The following PHKG2 variants were observed in gnomAD, a reference collection of about 807,000 sequenced individuals.
The protein encoded by PHKG2 is phosphorylase kinase catalytic subunit gamma 2.
A neutral mutation model predicts 44.5 loss-of-function variants in PHKG2; 28 were observed. The ratio of observed to expected loss-of-function variants is 0.63; its 90% CI spans 0.47 to 0.86. The LOEUF is 0.86. PHKG2 is among the 40% of genes least tolerant of loss of function. The probability of loss-of-function intolerance (pLI) is 0.00; values close to 1 mark genes in which losing one functional copy is unlikely to be tolerated. For synonymous variants in PHKG2, 220 were observed against 211.2 expected (o/e 1.04, Z -0.36); for missense variants, 498 against 547.5 (o/e 0.91, Z 0.90).
rs1419486545 is a variant in PHKG2, at chr16:30,757,018, CT to C, written c.1146del (p.Ile384SerfsTer13). The C allele has an allele frequency of 6.2e-7, 1 of 1,612,364 alleles. No individual in the cohort carries two copies. On this transcript the variant is annotated frameshift_variant, in exon 10 of 10. Transcript: ENST00000563588. LOFTEE classifies it low-confidence loss of function (END_TRUNC). ...CTCTTTCAGCACCGGCCCCCTGGGCCTTTTCCCATCATGGGCCCTGAAGAGG... is the reference window on the plus strand; with the variant it reads ...CTCTTTCAGCACCGGCCCCCTGGGCCTTTCCCATCATGGGCCCTGAAGAGG... The part of the protein sequence containing the change: ...AALFQHRPPG[P>X]FPIMGPEEEG...
chr16:30,760,203 C>CT lies in PHKG2; in HGVS notation c.*3108dup, dbSNP rs1235431636. On this transcript the variant is annotated 3_prime_UTR_variant, in exon 10 of 10. Coordinates refer to ENST00000563588, the MANE Select transcript of PHKG2 (RefSeq NM_000294.3). ...ACATATTCCAGGCAGAAATCCCCTG[C>CT]TTCTGCTTCCCATGGTCACTTGTGC... 6.2e-7 allele frequency: 1 copy of CT among 1,610,048 alleles called. No homozygotes were observed. Among genetic ancestry groups the CT allele is most frequent in the Non-Finnish European group, 8.5e-7 (1 of 1,179,832 alleles).
Position 30,756,942 on chromosome 16 carries a change from C to A in PHKG2, c.1066C>A (p.Arg356=), listed in dbSNP as rs140913831. The A allele has an allele frequency of 6.2e-7, 1 of 1,613,710 alleles. No homozygotes were observed. Among genetic ancestry groups the A allele is most frequent in the Non-Finnish European group, 8.5e-7 (1 of 1,180,016 alleles). The change falls in exon 10 of 10, where the codon CGG becomes AGG. Residue 356 remains arginine (R), a synonymous_variant. Transcript: ENST00000563588. ...VRHLIDNCAF[R]LYGHWVKKGE... is the part of the protein sequence containing the mutation. ...GCACCTCATCGACAACTGTGCCTTCCGGCTCTACGGGCACTGGGTAAAGAA... is the reference window on the plus strand; with the variant it reads ...GCACCTCATCGACAACTGTGCCTTCAGGCTCTACGGGCACTGGGTAAAGAA...
In PHKG2 at chr16:30,758,918, AAAAAC is replaced by A. The variant is rs1247664660; in HGVS notation, c.*1826_*1830del. ...ATCATTTAGAGAAAGGACTCTGACTAAAAACAAAAAGTCTGAAGTCCTGATGTCAT... is the reference window on the plus strand; with the variant it reads ...ATCATTTAGAGAAAGGACTCTGACTAAAAAAGTCTGAAGTCCTGATGTCAT... On this transcript the variant is annotated 3_prime_UTR_variant, in exon 10 of 10. Coordinates refer to ENST00000563588, the MANE Select transcript of PHKG2 (RefSeq NM_000294.3). The A allele has an allele frequency of 1.6e-5, 25 of 1,539,436 alleles. 1 individual carries two copies. In the South Asian group the frequency reaches 2.6e-4, roughly 16 times the overall value.
At position 30,759,329 on chromosome 16, in the gene PHKG2, C is replaced by T. The variant is rs2053578192; in HGVS notation, c.*2232C>T. The T allele has an allele frequency of 1.2e-6, 2 of 1,612,922 alleles. No individual in the cohort carries two copies. Among genetic ancestry groups the T allele is most frequent in the Non-Finnish European group, 1.7e-6 (2 of 1,179,086 alleles). ...CGGTTGAGGGTGGCTCCTCATGGTCCACCACCCCCTACCTGGGGTGTGAAG... is the reference window on the plus strand; with the variant it reads ...CGGTTGAGGGTGGCTCCTCATGGTCTACCACCCCCTACCTGGGGTGTGAAG... On this transcript the variant is annotated 3_prime_UTR_variant, in exon 10 of 10. Transcript: ENST00000563588.
chr16:30,748,930 A>C lies in PHKG2; in HGVS notation c.95+15A>C. 1 of 1,536,772 alleles carries C rather than the reference A, an allele frequency of 6.5e-7. No homozygotes were observed. On this transcript the variant is annotated intron_variant, in intron 2 of 9. Transcript: ENST00000563588. The stretch of plus-strand genomic sequence containing the variant: ...GTCATCGGCAGGTAAGGCCGCGGCC[A>C]GGGAAACGGAGGTCCAAAGAGGTCG...
At position 30,756,667 on chromosome 16, in the gene PHKG2, T is replaced by C. The variant is rs757678936; in HGVS notation, c.879T>C (p.Arg293=). The change falls in exon 9 of 10, where the codon CGT becomes CGC. Residue 293 remains arginine, a synonymous_variant. Transcript: ENST00000563588. ...CCCTACAGCACCCCTTCTTTGAGCG[T>C]TGTGAAGGCAGCCAACCCTGGAACC... The part of the protein sequence containing the change: ...EQALQHPFFE[R]CEGSQPWNLT... 1.2e-6 allele frequency: 2 copies of C among 1,613,982 alleles called. No homozygotes were observed. Among genetic ancestry groups the C allele is most frequent in the Admixed American group, 1.7e-5 (1 of 60,000 alleles).
At chr16:30,749,055 G>GCTGC (rs2053297246) in intron 2 of PHKG2, 140 bp downstream of exon 2, 1 of 249,316 alleles carries the variant, frequency 4.0e-6, no homozygotes, top group Non-Finnish European at 7.5e-6. Context: ...GGTGGTGGTG[G>GCTGC]TGGTGGTGGT....
At chr16:30,752,503 C>A in intron 4 of PHKG2, 1 of 152,936 alleles carries the variant, frequency 6.5e-6, no homozygotes. Flanking sequence ...TGTCTCTGCC[C>A]ATCAGTTCTT....
chr16:30,752,857 A>G (rs1162803173), intron 4 of PHKG2: 3 of 333,162 alleles, frequency 9.0e-6, no homozygotes, highest in Non-Finnish European at 1.7e-5. Flanking sequence ...TAAAGACGAA[A>G]CTTCAAAATA....
rs747397298 is a variant in PHKG2 at position 30,759,551 on chromosome 16, C to A, written c.*2454C>A. 1.9e-6 allele frequency: 3 copies of A among 1,614,100 alleles called. 1 individual carries two copies. The Admixed American group carries it at 5.0e-5, about 27-fold the overall frequency. On this transcript the variant is annotated 3_prime_UTR_variant, in exon 10 of 10. Coordinates refer to ENST00000563588, the MANE Select transcript of PHKG2 (RefSeq NM_000294.3). ...CAGCAACAGGAGCAAGGAGAGCCCA[C>A]TGGGGTCTTCACAAGAAGATAAGGG...
rs912358130 is a variant in PHKG2 at position 30,756,112 on chromosome 16, G to A, written c.557-70G>A. The A allele has an allele frequency of 7.8e-6, 9 of 1,153,706 alleles. No individual in the cohort carries two copies. The African/African-American group carries it at 1.1e-4, about 14-fold the overall frequency. 71.5% of individuals were successfully genotyped at this position (1,153,706 alleles called of 1,614,324 possible). ...TCCTGGCAGCGTTGAGGAGGCTCCA[G>A]CAGAGATCCAGTGCTAAGGGCCCTA... On this transcript the variant is annotated intron_variant, in intron 6 of 9. Transcript: ENST00000563588.
chr16:30,751,663 C>A, intron 4 of PHKG2, 60 bp downstream of exon 4: 4 of 1,381,426 alleles, frequency 2.9e-6, no homozygotes, highest in Non-Finnish European at 4.1e-6. Flanking sequence ...TATGGCCCAG[C>A]ATTTGTGGTG....
At chr16:30,749,865 T>G (rs947708868) in intron 2 of PHKG2, among the ~76,000 whole-genome samples, 1 of 152,090 alleles carries the variant, frequency 6.6e-6, no homozygotes, top group Non-Finnish European at 1.5e-5. Context: ...TCAGGCTAGA[T>G]AGGTAGAGGT....
In PHKG2 at chr16:30,753,438, C is replaced by T. The variant is rs1567261900; in HGVS notation, c.437C>T (p.Ala146Val). ...SLLEAVSFLH[A>V]NNIVHRDLKP... ...CTGGAAGCAGTGAGCTTTCTCCATG[C>T]CAACAACATTGTGCATCGAGATCTG... Residue 146 changes from alanine to valine, a missense_variant, in exon 6 of 10, where the codon GCC becomes GTC. Transcript: ENST00000563588. 1.2e-6 allele frequency: 2 copies of T among 1,614,160 alleles called. No individual in the cohort carries two copies. The highest frequency in any genetic ancestry group is 1.3e-5 in the African/African-American group (1 of 75,032).
chr16:30,758,549 TTTTG>T lies in PHKG2; in HGVS notation c.*1472_*1475del, dbSNP rs537559274. ...TCTCTGGAGCCACTTCAGCTGTGCT[TTTTG>T]TTTGTTTGTTTGTTTGTTTTGAGAC... On this transcript the variant is annotated 3_prime_UTR_variant, in exon 10 of 10. Coordinates refer to ENST00000563588, the MANE Select transcript of PHKG2 (RefSeq NM_000294.3). The T allele has an allele frequency of 2.0e-3, 407 of 205,712 alleles. No individual in the cohort carries two copies. The highest frequency in any genetic ancestry group is 2.9e-3 in the South Asian group (39 of 13,524). 12.7% of individuals were successfully genotyped at this position (205,712 alleles called of 1,614,324 possible).
In PHKG2 at chr16:30,757,035, C is replaced by G; in HGVS notation, c.1159C>G (p.Pro387Ala). ...RPPGPFPIMG[P>A]EEEGDSAAIT... Reference sequence around the variant, plus strand: ...CCCTGGGCCTTTTCCCATCATGGGCCCTGAAGAGGAGGGAGACTCTGCTGC... The same window carrying G: ...CCCTGGGCCTTTTCCCATCATGGGCGCTGAAGAGGAGGGAGACTCTGCTGC... The change falls in exon 10 of 10, where the codon CCT (proline) becomes GCT (alanine). Residue 387 changes from proline (P) to alanine (A), a missense_variant. Transcript: ENST00000563588. 1 of 1,612,764 alleles carries G rather than the reference C, an allele frequency of 6.2e-7. No individual in the cohort carries two copies. The highest frequency in any genetic ancestry group is 8.5e-7 in the Non-Finnish European group (1 of 1,180,012).
intron 2 of PHKG2, among the ~76,000 whole-genome samples, chr16:30,749,425 A>G (rs1290972747): frequency 2.0e-5 from 3 of 152,114 alleles, no homozygotes; most frequent in Admixed American, 1.3e-4. Context: ...TCGGCTCACT[A>G]CAACCTCTGC....
chr16:30,753,839 C>T (rs1208835622), intron 6 of PHKG2, among the ~76,000 whole-genome samples: 1 of 152,144 alleles, frequency 6.6e-6, no homozygotes, highest in African/African-American at 2.4e-5. Context: ...TCAGCCTGAG[C>T]CCCATAGAGG....
Position 30,759,751 on chromosome 16 carries a change from T to C in PHKG2, c.*2654T>C, listed in dbSNP as rs1683515357. On this transcript the variant is annotated 3_prime_UTR_variant, in exon 10 of 10. Transcript: ENST00000563588. Reference sequence around the variant, plus strand: ...TGGTAGGGAAAGCAAGATGCAGCAGTGAGGCCCTCTCTGGTATCCATTCAT... The same window carrying C: ...TGGTAGGGAAAGCAAGATGCAGCAGCGAGGCCCTCTCTGGTATCCATTCAT... The C allele has an allele frequency of 6.3e-7, 1 of 1,587,978 alleles. No homozygotes were observed. The highest frequency in any genetic ancestry group is 8.6e-7 in the Non-Finnish European group (1 of 1,167,038).
Sources: gnomAD v4.1 joint callset for allele counts (sites outside exome capture counted in the v4.1 genomes callset) on GRCh38, gnomAD v4.1.1 for gene constraint, MANE v1.5 for transcripts, NCBI Gene and HGNC (gene_info 2026-07-23, HGNC 2026-07-21) for gene names.